RORA: variants seen among roughly 807,000 people sequenced by gnomAD.
RORA encodes nuclear receptor ROR-alpha.
Under a neutral mutation model 69.5 loss-of-function variants are expected in RORA, and 7 were observed. The observed-to-expected ratio is 0.10, with a 90% confidence interval of 0.06 to 0.19. The LOEUF is 0.19. Among genes scored for constraint, RORA ranks in the 10% least tolerant of loss-of-function variants. The pLI is 1.00. For missense variants in RORA, 457 were observed against 663.0 expected, an observed-to-expected ratio of 0.69 and a Z score of 3.41; for synonymous variants, 261 against 240.8, an observed-to-expected ratio of 1.08 and a Z score of -0.78.
intron 2 of RORA, among the ~76,000 whole-genome samples, chr15:60,621,099 G>A (rs1297492737): frequency 2.6e-5 from 4 of 152,220 alleles, no homozygotes; most frequent in African/African-American, 7.2e-5. Context: ...AGTGAGGCAT[G>A]AGCCAAGATC....
chr15:61,177,688 C>A (rs555952031), intron 1 of RORA, among the ~76,000 whole-genome samples: 1 of 152,108 alleles, frequency 6.6e-6, no homozygotes, highest in Non-Finnish European at 1.5e-5. Flanking sequence ...CAGTTGCTCA[C>A]GCCTATAATC....
intron 1 of RORA, among the ~76,000 whole-genome samples, chr15:61,216,249 T>C (rs2080039541): frequency 6.6e-6 from 1 of 152,252 alleles, no homozygotes; most frequent in Non-Finnish European, 1.5e-5. Flanking sequence ...ATTATTTTCC[T>C]GGGTTTACCT....
At chr15:61,122,411 T>A (rs2079111986) in intron 1 of RORA, among the ~76,000 whole-genome samples, 1 of 152,182 alleles carries the variant, frequency 6.6e-6, no homozygotes, top group Admixed American at 6.5e-5. Flanking sequence ...TATTTTAAAG[T>A]GTCTCCTCCA....
intron 1 of RORA, among the ~76,000 whole-genome samples, chr15:60,948,517 G>A (rs1194145261): frequency 1.3e-5 from 2 of 152,138 alleles, no homozygotes; most frequent in Non-Finnish European, 2.9e-5. Context: ...GTCTGTCAGG[G>A]ATAAGTAACA....
chr15:61,004,392 T>C lies in RORA; in HGVS notation c.166+224661A>G, dbSNP rs1269411626. On this transcript the variant is annotated intron_variant, in intron 1 of 10. Transcript: ENST00000335670. ...GGAGTCTGAATGTTTTTTTTTTTTTTCATCTAAAAATAAGCCTGCGACCTT... is the reference window on the plus strand; with the variant it reads ...GGAGTCTGAATGTTTTTTTTTTTTTCCATCTAAAAATAAGCCTGCGACCTT... Among the ~76,000 whole-genome samples, 8 of 145,112 alleles carry C rather than the reference T, an allele frequency of 5.5e-5. No homozygotes were observed. The East Asian group carries it at 6.0e-4, about 11-fold the overall frequency.
At chr15:60,985,296 G>A (rs190444033) in intron 1 of RORA, among the ~76,000 whole-genome samples, 1 of 152,138 alleles carries the variant, frequency 6.6e-6, no homozygotes, top group African/African-American at 2.4e-5. Context: ...TAAATAGTAT[G>A]GTTATTAGTA....
At chr15:60,804,640 T>G (rs1053587553) in intron 1 of RORA, among the ~76,000 whole-genome samples, 1 of 152,204 alleles carries the variant, frequency 6.6e-6, no homozygotes, top group East Asian at 1.9e-4. Context: ...AGATCAACGG[T>G]AGCCAAGAAG....
chr15:60,918,673 T>C (rs1274099699), intron 1 of RORA, among the ~76,000 whole-genome samples: 1 of 152,192 alleles, frequency 6.6e-6, no homozygotes, highest in Non-Finnish European at 1.5e-5. Flanking sequence ...CTTGGAGATA[T>C]CAGAAATATT....
At chr15:61,125,571 A>AT (rs746234935) in intron 1 of RORA, among the ~76,000 whole-genome samples, 3 of 152,242 alleles carry the variant, frequency 2.0e-5, no homozygotes, top group Non-Finnish European at 4.4e-5. Flanking sequence ...TTGATCCCAA[A>AT]TATTCCTTTT....
At chr15:61,181,580 CTT>C (rs1207502452) in intron 1 of RORA, among the ~76,000 whole-genome samples, 1 of 146,834 alleles carries the variant, frequency 6.8e-6, no homozygotes, top group African/African-American at 2.5e-5. Flanking sequence ...ATTAATCAGA[CTT>C]TGTTGCCACC....
At chr15:60,799,485 T>C (rs1953720667) in intron 1 of RORA, among the ~76,000 whole-genome samples, 1 of 152,042 alleles carries the variant, frequency 6.6e-6, no homozygotes, top group Non-Finnish European at 1.5e-5. Flanking sequence ...TTTATAAGAG[T>C]TAGATGTTGA....
chr15:61,096,965 G>A (rs2078800007), intron 1 of RORA, among the ~76,000 whole-genome samples: 1 of 152,216 alleles, frequency 6.6e-6, no homozygotes, highest in South Asian at 2.1e-4. Context: ...GAAGGCACAT[G>A]TGCATGGCAA....
chr15:60,511,204 GGA>G lies in RORA; in HGVS notation c.820+20_820+21del. On this transcript the variant is annotated intron_variant, in intron 5 of 10. Coordinates refer to ENST00000335670, the MANE Select transcript of RORA (RefSeq NM_134261.3). This position sits in a 1 kb window ranked among gnomAD's most constrained non-coding sequence, Gnocchi z 6.4. ...CAAAGGGCATGAATAGAGCATCCCAGGAGAAGCATGCATGCCATTACCTAATT... is the reference window on the plus strand; with the variant it reads ...CAAAGGGCATGAATAGAGCATCCCAGGAAGCATGCATGCCATTACCTAATT... 6.3e-7 allele frequency: 1 copy of G among 1,596,168 alleles called. No homozygotes were observed. The highest frequency in any genetic ancestry group is 1.3e-5 in the African/African-American group (1 of 74,850).
chr15:61,134,502 G>T (rs1478043915), intron 1 of RORA, among the ~76,000 whole-genome samples: 1 of 152,190 alleles, frequency 6.6e-6, no homozygotes, highest in Non-Finnish European at 1.5e-5. Context: ...TGAGGAGGGT[G>T]CCAGGAACAG....
In RORA at chr15:60,597,617, T is replaced by TATAC. The variant is rs765883784; in HGVS notation, c.197-65767_197-65766insGTAT. Among the ~76,000 whole-genome samples the TATAC allele has an allele frequency of 2.0e-3, 88 of 43,520 alleles. 8 individuals carry two copies. The highest frequency in any genetic ancestry group is 2.4e-3 in the Non-Finnish European group (64 of 26,214). The allele number at this position is 43,520 out of a possible 152,430, so 28.6% of individuals were successfully genotyped here. On this transcript the variant is annotated intron_variant, in intron 2 of 10. Coordinates refer to ENST00000335670, the MANE Select transcript of RORA (RefSeq NM_134261.3). ...ATACACATATATATATATATATATATACATACATATATATACATATATATA... is the reference window on the plus strand; with the variant it reads ...ATACACATATATATATATATATATATATACACATACATATATATACATATATATA...
chr15:60,863,752 C>A (rs986415404), intron 1 of RORA, among the ~76,000 whole-genome samples: 1 of 151,926 alleles, frequency 6.6e-6, no homozygotes, highest in African/African-American at 2.4e-5. Flanking sequence ...TGTTCTTATT[C>A]TTTTCATTAT....
intron 2 of RORA, among the ~76,000 whole-genome samples, chr15:60,545,572 G>T (rs1414314453): frequency 6.6e-6 from 1 of 152,152 alleles, no homozygotes; most frequent in Non-Finnish European, 1.5e-5. Flanking sequence ...TCCATTTTAG[G>T]AATGTTTTTG....
intron 1 of RORA, among the ~76,000 whole-genome samples, chr15:61,221,957 G>GAA (rs537077047): frequency 1.8e-4 from 18 of 100,180 alleles, no homozygotes; most frequent in African/African-American, 2.4e-4. Flanking sequence ...ATCTCTTTAA[G>GAA]AAAAAAAAAA....
At chr15:60,740,369 A>C (rs927060461) in intron 1 of RORA, among the ~76,000 whole-genome samples, 1 of 152,206 alleles carries the variant, frequency 6.6e-6, no homozygotes, top group Admixed American at 6.5e-5. Context: ...CTGCCTGTCC[A>C]TTTAAATTGC....
Sources: allele counts gnomAD v4.1 joint callset (sites outside exome capture counted in the v4.1 genomes callset), GRCh38; gene constraint gnomAD v4.1.1; non-coding constraint Gnocchi (gnomAD v3.1); transcripts MANE v1.5; gene names NCBI Gene and HGNC (gene_info 2026-07-23, HGNC 2026-07-21).